RYR3: variants seen among roughly 807,000 people sequenced by gnomAD.
The protein encoded by RYR3 is ryanodine receptor 3.
In RYR3, 207 loss-of-function variants were observed where a neutral mutation model predicts 584.3. The observed-to-expected ratio is 0.35, with a 90% CI of 0.32 to 0.40. The LOEUF (loss-of-function observed/expected upper bound fraction) is 0.40. Among genes scored for constraint, RYR3 ranks in the 10% least tolerant of loss-of-function variants. The pLI is 1.00. For synonymous variants in RYR3, 2,416 were observed against 2,248.5 expected, an observed-to-expected ratio of 1.07 and a Z score of -2.11; for missense variants, 5,616 against 6,089.2, an observed-to-expected ratio of 0.92 and a Z score of 2.59.
At chr15:33,686,751 G>A (rs1232167037) in intron 38 of RYR3, among the ~76,000 whole-genome samples, 1 of 152,232 alleles carries the variant, frequency 6.6e-6, no homozygotes, top group African/African-American at 2.4e-5. Flanking sequence ...TCCCTGGGAT[G>A]CAAGGCTGGT....
At chr15:33,452,494 G>C (rs2047212463) in intron 1 of RYR3, among the ~76,000 whole-genome samples, 1 of 152,054 alleles carries the variant, frequency 6.6e-6, no homozygotes, top group South Asian at 2.1e-4. Flanking sequence ...ATTATTATAA[G>C]AAGACATAGG....
intron 1 of RYR3, among the ~76,000 whole-genome samples, chr15:33,415,504 T>TAA (rs577779982): frequency 2.0e-5 from 3 of 146,476 alleles, no homozygotes; most frequent in Non-Finnish European, 3.0e-5. Flanking sequence ...TACTCTTTTT[T>TAA]AAAAAAAAAA....
intron 1 of RYR3, among the ~76,000 whole-genome samples, chr15:33,405,687 T>A (rs2141422980): frequency 6.6e-6 from 1 of 152,352 alleles, no homozygotes; most frequent in Non-Finnish European, 1.5e-5. Flanking sequence ...CAGTTGCAAG[T>A]GTCAGAAACC....
At chr15:33,430,790 A>G (rs541710325) in intron 1 of RYR3, among the ~76,000 whole-genome samples, 1 of 152,192 alleles carries the variant, frequency 6.6e-6, no homozygotes, top group South Asian at 2.1e-4. Flanking sequence ...AAAGCTGGCT[A>G]GGTGCCAGGA....
intron 43 of RYR3, among the ~76,000 whole-genome samples, chr15:33,712,609 C>G (rs1039088864): frequency 6.6e-6 from 1 of 151,998 alleles, no homozygotes; most frequent in Non-Finnish European, 1.5e-5. Flanking sequence ...ATTGGTAGCT[C>G]AAATGCTTCA....
intron 1 of RYR3, among the ~76,000 whole-genome samples, chr15:33,337,979 C>G (rs1257494654): frequency 7.8e-6 from 1 of 127,982 alleles, no homozygotes; most frequent in African/African-American, 3.0e-5. Context: ...GAGTCTCACT[C>G]TGTCGCCCAG....
intron 77 of RYR3, 45 bp from the exon 78 acceptor site, chr15:33,820,711 A>G: frequency 6.6e-7 from 1 of 1,524,540 alleles, no homozygotes; most frequent in South Asian, 1.2e-5. Flanking sequence ...ATTTCCCTTT[A>G]ATTTGATTGT....
intron 1 of RYR3, among the ~76,000 whole-genome samples, chr15:33,424,492 C>T (rs183144464): frequency 1.3e-5 from 2 of 152,328 alleles, no homozygotes; most frequent in East Asian, 1.9e-4. Context: ...CCCTTTGCAG[C>T]GTAGGTCGCT....
chr15:33,723,781 G>T (rs1325605217), intron 44 of RYR3, among the ~76,000 whole-genome samples: 2 of 152,250 alleles, frequency 1.3e-5, no homozygotes, highest in African/African-American at 2.4e-5. Context: ...GAGAGGAAAA[G>T]GGAATGAATG....
intron 82 of RYR3, 47 bp downstream of exon 82, chr15:33,825,723 CTTT>C (rs374617439): frequency 3.6e-5 from 17 of 473,094 alleles, no homozygotes; most frequent in East Asian, 2.7e-4. Flanking sequence ...TGATTAAAAT[CTTT>C]TTTTTTTTTT....
intron 1 of RYR3, among the ~76,000 whole-genome samples, chr15:33,406,753 C>G (rs1307953837): frequency 6.6e-6 from 1 of 152,140 alleles, no homozygotes; most frequent in Non-Finnish European, 1.5e-5. Context: ...TATCCCAGGC[C>G]ATTTCATTGT....
At chr15:33,830,051 C>A (rs1020285627) in intron 85 of RYR3, among the ~76,000 whole-genome samples, 1 of 152,140 alleles carries the variant, frequency 6.6e-6, no homozygotes, top group Non-Finnish European at 1.5e-5. Flanking sequence ...TGAAGATGCT[C>A]TAAACATTGT....
chr15:33,859,824 G>T, intron 100 of RYR3, 93 bp downstream of exon 100: 1 of 1,293,890 alleles, frequency 7.7e-7, no homozygotes, highest in Non-Finnish European at 1.1e-6. Context: ...ATGAAGAAGC[G>T]TGTGAATTCA....
At chr15:33,395,206 T>C (rs2042229452) in intron 1 of RYR3, among the ~76,000 whole-genome samples, 1 of 152,246 alleles carries the variant, frequency 6.6e-6, no homozygotes, top group Non-Finnish European at 1.5e-5. Context: ...TGCTTATAGC[T>C]GTGTACACAT....
At chr15:33,669,844 G>GT (rs559746521) in intron 37 of RYR3, among the ~76,000 whole-genome samples, 23,296 of 40,622 alleles carry the variant, frequency 0.57, 6,169 homozygotes, top group South Asian at 0.72. Flanking sequence ...GTGTGTGTGT[G>GT]GGGGGGGGGG....
intron 62 of RYR3, among the ~76,000 whole-genome samples, chr15:33,769,475 C>T (rs2073390184): frequency 6.6e-6 from 1 of 152,134 alleles, no homozygotes; most frequent in South Asian, 2.1e-4. Flanking sequence ...GGTGAATCTA[C>T]AAATGTTATG....
At position 33,695,278 on chromosome 15, in the gene RYR3, C is replaced by T. The variant is rs111697260; in HGVS notation, c.5861-940C>T. ...AGGGAAGGGGTAAGCAGTGCCTTCC[C>T]GGCCATTCCAACAGGTCCCCTTCCT... On this transcript the variant is annotated intron_variant, in intron 38 of 103. Transcript: ENST00000634891. 9.5e-3 allele frequency among the ~76,000 whole-genome samples: 1,444 copies of T among 152,278 alleles called. 19 individuals are homozygous for T. Among genetic ancestry groups the T allele is most frequent in the African/African-American group, 0.033 (1,363 of 41,550 alleles).
At chr15:33,647,481 A>G (rs1488918442) in intron 30 of RYR3, 21 bp downstream of exon 30, 6 of 1,563,638 alleles carry the variant, frequency 3.8e-6, no homozygotes, top group South Asian at 2.2e-5. Context: ...GTGCTCAATT[A>G]TGGTTTTAAT....
intron 1 of RYR3, among the ~76,000 whole-genome samples, chr15:33,442,290 G>T (rs2046290157): frequency 6.6e-6 from 1 of 152,132 alleles, no homozygotes; most frequent in African/African-American, 2.4e-5. Flanking sequence ...TCAAGCAATT[G>T]AAATTTCCAC....
Sources: allele counts gnomAD v4.1 joint callset (sites outside exome capture counted in the v4.1 genomes callset), GRCh38; gene constraint gnomAD v4.1.1; transcripts MANE v1.5; gene names NCBI Gene and HGNC (gene_info 2026-07-23, HGNC 2026-07-21).